The following HHIP variants were observed in gnomAD, a reference collection of about 807,000 sequenced individuals.
HHIP encodes the protein hedgehog interacting protein.
HHIP carries 12 observed loss-of-function variants against 74.0 expected under a neutral mutation model. The observed-to-expected ratio is 0.16, with a 90% CI of 0.10 to 0.26. The LOEUF is 0.26. HHIP is among the 10% of genes least tolerant of loss of function. HHIP has a pLI of 1.00. For missense variants in HHIP, 788 were observed against 845.0 expected, an observed-to-expected ratio of 0.93 and a Z score of 0.84; for synonymous variants, 309 against 311.6, an observed-to-expected ratio of 0.99 and a Z score of 0.09.
intron 8 of HHIP, among the ~76,000 whole-genome samples, chr4:144,712,736 A>G (rs1033389319): frequency 1.3e-5 from 2 of 152,158 alleles, no homozygotes; most frequent in African/African-American, 4.8e-5. Flanking sequence ...TATATCAACC[A>G]TTATTATGAT....
rs140994185 is a variant in HHIP, at chr4:144,684,647, C to G, written c.832-21884C>G. Among the ~76,000 whole-genome samples, 145 of 152,136 alleles carry G rather than the reference C, an allele frequency of 9.5e-4. 1 individual carries two copies. The highest frequency in any genetic ancestry group is 3.3e-3 in the African/African-American group (137 of 41,512). On this transcript the variant is annotated intron_variant, in intron 4 of 12. Coordinates refer to ENST00000296575, the MANE Select transcript of HHIP (RefSeq NM_022475.3). ...ATATTTTAACAAAATTAGGGATATTCTAAAAAGTTTAGCATATTTATCTAA... is the reference window on the plus strand; with the variant it reads ...ATATTTTAACAAAATTAGGGATATTGTAAAAAGTTTAGCATATTTATCTAA...
intron 4 of HHIP, among the ~76,000 whole-genome samples, chr4:144,680,537 T>G (rs1227396364): frequency 6.6e-6 from 1 of 152,222 alleles, no homozygotes; most frequent in African/African-American, 2.4e-5. Flanking sequence ...AATAATCTAT[T>G]TTCTAAGATC....
intron 2 of HHIP, among the ~76,000 whole-genome samples, chr4:144,655,499 T>C (rs1331815812): frequency 2.0e-5 from 3 of 152,152 alleles, no homozygotes; most frequent in African/African-American, 7.2e-5. Flanking sequence ...AGTAGGTTAT[T>C]GTAGTGTGAA....
In HHIP at chr4:144,707,219, G is replaced by A; in HGVS notation, c.1116G>A (p.Gly372=). 3 of 1,613,854 alleles carry A rather than the reference G, an allele frequency of 1.9e-6. No homozygotes were observed. Among genetic ancestry groups the A allele is most frequent in the Non-Finnish European group, 2.5e-6 (3 of 1,179,892 alleles). ...TTTTGTACATCATTCTTGGTGATGG[G>A]ATGATTACACTGGATGATATGGAAG... ...DGFLYIILGD[G]MITLDDMEEM... Residue 372 remains glycine (G), a synonymous_variant, in exon 6 of 13, where the codon GGG becomes GGA. Transcript: ENST00000296575.
At chr4:144,653,451 T>C (rs1397119985) in intron 2 of HHIP, among the ~76,000 whole-genome samples, 1 of 152,182 alleles carries the variant, frequency 6.6e-6, no homozygotes, top group African/African-American at 2.4e-5. Flanking sequence ...TATAGTGTCA[T>C]GAACATGCCT....
intron 4 of HHIP, chr4:144,660,118 TTG>T: frequency 1.9e-6 from 1 of 513,844 alleles, no homozygotes; most frequent in African/African-American, 1.9e-5. Flanking sequence ...TTATAAAGTA[TTG>T]TTTAAATATT....
At chr4:144,652,915 A>G in intron 2 of HHIP, 118 bp downstream of exon 2, 5 of 624,954 alleles carry the variant, frequency 8.0e-6, no homozygotes, top group Non-Finnish European at 1.3e-5. Context: ...AAAAATACCT[A>G]TTTTACCTCA....
chr4:144,646,836 GGAT>G lies in HHIP; in HGVS notation c.166_168del (p.Met56del), dbSNP rs1728275516. The G allele has an allele frequency of 2.2e-5, 36 of 1,614,138 alleles. No individual in the cohort carries two copies. The highest frequency in any genetic ancestry group is 3.0e-5 in the Non-Finnish European group (35 of 1,180,054). On this transcript the variant is annotated inframe_deletion, in exon 1 of 13. Transcript: ENST00000296575. ...AAGCGCCTGAAAAGGAGAGACAGGA[GGAT>G]GATGTCCCAGCTGGAGCTGCTGAGT...
intron 11 of HHIP, among the ~76,000 whole-genome samples, chr4:144,724,693 TATAA>T (rs1326386867): frequency 5.4e-4 from 53 of 97,956 alleles, no homozygotes; most frequent in South Asian, 1.6e-3. Flanking sequence ...TATATATATA[TATAA>T]GTATATATAT....
At chr4:144,658,716 C>T in intron 2 of HHIP, 74 bp from the exon 3 acceptor site, 7 of 1,290,644 alleles carry the variant, frequency 5.4e-6, no homozygotes, top group Non-Finnish European at 7.5e-6. Context: ...TTTTCCTCAT[C>T]TTATATCTTT....
Position 144,714,219 on chromosome 4 carries a change from T to G in HHIP, c.1424-6T>G. ...TCATTTGATCTAATGCTATGTTTCT[T>G]TCCAGAAAGTGAGCCATCACTTTTA... On this transcript the variant is annotated splice_region_variant and splice_polypyrimidine_tract_variant and intron_variant, in intron 8 of 12. Coordinates refer to ENST00000296575, the MANE Select transcript of HHIP (RefSeq NM_022475.3). 1 of 1,611,274 alleles carries G rather than the reference T, an allele frequency of 6.2e-7. No homozygotes were observed. Among genetic ancestry groups the G allele is most frequent in the Non-Finnish European group, 8.5e-7 (1 of 1,177,772 alleles).
intron 11 of HHIP, among the ~76,000 whole-genome samples, chr4:144,733,504 T>C (rs1731018798): frequency 6.6e-6 from 1 of 152,182 alleles, no homozygotes; most frequent in African/African-American, 2.4e-5. Context: ...CATATTGCCA[T>C]AGGGACATAA....
chr4:144,704,493 A>AT (rs1730075394), intron 4 of HHIP, among the ~76,000 whole-genome samples: 1 of 152,116 alleles, frequency 6.6e-6, no homozygotes, highest in African/African-American at 2.4e-5. Flanking sequence ...TCACTTGTGG[A>AT]TTTGTTTAAA....
At chr4:144,701,287 T>C (rs1469012259) in intron 4 of HHIP, among the ~76,000 whole-genome samples, 1 of 151,684 alleles carries the variant, frequency 6.6e-6, no homozygotes, top group Non-Finnish European at 1.5e-5. Flanking sequence ...CGCTTACTTC[T>C]TCATGTAAGT....
In HHIP at chr4:144,743,305, T is replaced by C. The variant is rs190729058; in HGVS notation, c.*5348T>C. The stretch of plus-strand genomic sequence containing the variant: ...ATTAGGACTTTTCTTAAATTCCTCA[T>C]TAAATATGAACCTAAGGCATACCCA... On this transcript the variant is annotated 3_prime_UTR_variant, in exon 13 of 13. Transcript: ENST00000296575. The C allele has an allele frequency of 2.2e-3, 328 of 151,732 alleles. 1 individual carries two copies. Among genetic ancestry groups the C allele is most frequent in the African/African-American group, 7.6e-3 (313 of 41,444 alleles). The allele number at this position is 151,732 out of a possible 1,614,324, so 9.4% of individuals were successfully genotyped here.
rs1296151452 is a variant in HHIP, at chr4:144,739,566, A to G, written c.*1609A>G. On this transcript the variant is annotated 3_prime_UTR_variant, in exon 13 of 13. Transcript: ENST00000296575. ...ATTAAAGCCCAGTAAGCATTTATATAGAAGCCACAATGTAGAAAGATTGGT... is the reference window on the plus strand; with the variant it reads ...ATTAAAGCCCAGTAAGCATTTATATGGAAGCCACAATGTAGAAAGATTGGT... The G allele has an allele frequency of 6.6e-6, 1 of 152,260 alleles. No homozygotes were observed. The highest frequency in any genetic ancestry group is 1.5e-5 in the Non-Finnish European group (1 of 68,044). The allele number at this position is 152,260 out of a possible 1,614,324, so 9.4% of individuals were successfully genotyped here.
At chr4:144,696,883 G>A (rs929488941) in intron 4 of HHIP, among the ~76,000 whole-genome samples, 1 of 151,872 alleles carries the variant, frequency 6.6e-6, no homozygotes, top group African/African-American at 2.4e-5. Flanking sequence ...CTGTCAATGA[G>A]GTACTATGTA....
intron 11 of HHIP, among the ~76,000 whole-genome samples, chr4:144,726,095 A>G (rs1730797162): frequency 6.6e-6 from 1 of 152,226 alleles, no homozygotes; most frequent in South Asian, 2.1e-4. Flanking sequence ...CTTGTGTTTA[A>G]CATTTTTATC....
At chr4:144,736,136 C>CTTTTTTTT (rs36088965) in intron 12 of HHIP, among the ~76,000 whole-genome samples, 1 of 128,240 alleles carries the variant, frequency 7.8e-6, no homozygotes, top group Non-Finnish European at 1.6e-5. Flanking sequence ...TTTTCTGCAT[C>CTTTTTTTT]TTTTTTTTTT....
Sources: gnomAD v4.1 joint callset for allele counts (sites outside exome capture counted in the v4.1 genomes callset) on GRCh38, gnomAD v4.1.1 for gene constraint, MANE v1.5 for transcripts, NCBI Gene and HGNC (gene_info 2026-07-23, HGNC 2026-07-21) for gene names.